FAR1: variants seen among roughly 807,000 people sequenced by gnomAD.
FAR1 encodes the protein fatty acyl-CoA reductase 1.
Under a neutral mutation model 61.1 loss-of-function variants are expected in FAR1, and 22 were observed. That is an observed-to-expected ratio of 0.36 (90% CI 0.26 to 0.51). FAR1 has a LOEUF of 0.51. Ranked by LOEUF, FAR1 falls within the 20% of genes least tolerant of loss-of-function variation. FAR1 has a pLI of 0.95. For synonymous variants in FAR1, 206 were observed against 209.7 expected (o/e 0.98, Z 0.15); for missense variants, 359 against 626.9 (o/e 0.57, Z 4.56).
chr11:13,714,470 G>C (rs1848533780), intron 8 of FAR1, 39 bp from the exon 9 acceptor site: 1 of 1,526,398 alleles, frequency 6.6e-7, no homozygotes, highest in Non-Finnish European at 8.8e-7. Context: ...TTCATTACAT[G>C]GTTATTATCA....
intron 1 of FAR1, among the ~76,000 whole-genome samples, chr11:13,670,478 G>T (rs373427451): frequency 6.6e-6 from 1 of 152,182 alleles, no homozygotes; most frequent in East Asian, 1.9e-4. Flanking sequence ...TTTTAGTAGA[G>T]GCGGGGTTTC....
intron 8 of FAR1, 37 bp from the exon 9 acceptor site, chr11:13,714,467 CATGGT>C (rs778889258): frequency 1.3e-6 from 2 of 1,508,894 alleles, no homozygotes; most frequent in Non-Finnish European, 1.8e-6. Flanking sequence ...AACTTCATTA[CATGGT>C]TATTATCAAA....
At chr11:13,694,997 G>T (rs757025174) in intron 2 of FAR1, 43 bp downstream of exon 2, 1 of 1,503,872 alleles carries the variant, frequency 6.6e-7, no homozygotes. Flanking sequence ...AAAAAAGCGT[G>T]TGCTTGTGTA....
At chr11:13,685,536 T>C (rs2134173336) in intron 1 of FAR1, 2 of 217,578 alleles carry the variant, frequency 9.2e-6, no homozygotes, top group Non-Finnish European at 2.0e-5. Context: ...GTGTTTCCTT[T>C]TGGAGTTGTA....
chr11:13,675,053 CT>C (rs10649288), intron 1 of FAR1, among the ~76,000 whole-genome samples: 31 of 144,136 alleles, frequency 2.2e-4, no homozygotes, highest in Admixed American at 6.2e-4. Flanking sequence ...AATCCCTAGA[CT>C]TTTTTTTTTT....
chr11:13,683,015 A>C (rs949101115), intron 1 of FAR1, among the ~76,000 whole-genome samples: 1 of 152,180 alleles, frequency 6.6e-6, no homozygotes, highest in Non-Finnish European at 1.5e-5. Context: ...GTAACTTTCT[A>C]TCTGCTGCTT....
At chr11:13,711,190 C>T (rs923824211) in intron 5 of FAR1, 8 of 311,974 alleles carry the variant, frequency 2.6e-5, no homozygotes, top group African/African-American at 1.6e-4. Flanking sequence ...AGGTAGACCC[C>T]TTCCTCTGTA....
intron 11 of FAR1, among the ~76,000 whole-genome samples, 198 bp from the exon 12 acceptor site, chr11:13,728,414 C>A (rs1437203562): frequency 6.6e-6 from 1 of 151,714 alleles, no homozygotes; most frequent in Admixed American, 6.6e-5. Context: ...AATGAATGAA[C>A]CTTTTTAGAT....
At chr11:13,691,077 C>T (rs1848244538) in intron 1 of FAR1, among the ~76,000 whole-genome samples, 1 of 152,180 alleles carries the variant, frequency 6.6e-6, no homozygotes, top group Non-Finnish European at 1.5e-5. Context: ...ATTTATTTCT[C>T]ACCATTCTGG....
At chr11:13,691,622 T>C (rs751190024) in intron 1 of FAR1, among the ~76,000 whole-genome samples, 1 of 152,248 alleles carries the variant, frequency 6.6e-6, no homozygotes, top group Non-Finnish European at 1.5e-5. Context: ...AGGAATCATA[T>C]AGTATGTGAC....
chr11:13,671,302 G>T (rs973288105), intron 1 of FAR1, among the ~76,000 whole-genome samples: 1 of 152,190 alleles, frequency 6.6e-6, no homozygotes, highest in African/African-American at 2.4e-5. Context: ...AGCAACTGTG[G>T]ACAAGAGTGA....
At chr11:13,675,476 A>C (rs577691308) in intron 1 of FAR1, among the ~76,000 whole-genome samples, 8 of 152,212 alleles carry the variant, frequency 5.3e-5, no homozygotes, top group Non-Finnish European at 2.9e-5. Context: ...GTATCTCTCT[A>C]TCTTTATCTT....
intron 9 of FAR1, chr11:13,715,907 C>A (rs1399651142): frequency 6.6e-6 from 1 of 152,110 alleles, no homozygotes; most frequent in East Asian, 1.9e-4. Flanking sequence ...AGGTAACTGC[C>A]AGTTACAGTG....
intron 10 of FAR1, 53 bp from the exon 11 acceptor site, chr11:13,727,503 G>A (rs561999901): frequency 6.6e-7 from 1 of 1,525,942 alleles, no homozygotes; most frequent in Admixed American, 2.0e-5. Flanking sequence ...TTTCTGACTG[G>A]TTGTGAGAAA....
rs1435823539 is a variant in FAR1 at position 13,730,746 on chromosome 11, T to C, written c.*1972T>C. On this transcript the variant is annotated 3_prime_UTR_variant, in exon 12 of 12. Transcript: ENST00000354817. ...GGAGTGTATGTCTTCTGAATGGTTTTATTGTTCTTGTAATCTAGCTTAAAG... is the reference window on the plus strand; with the variant it reads ...GGAGTGTATGTCTTCTGAATGGTTTCATTGTTCTTGTAATCTAGCTTAAAG... 1.3e-5 allele frequency: 2 copies of C among 152,130 alleles called. No individual in the cohort carries two copies. The highest frequency in any genetic ancestry group is 4.8e-5 in the African/African-American group (2 of 41,454). 9.4% of individuals were successfully genotyped at this position (152,130 alleles called of 1,614,324 possible).
At position 13,732,300 on chromosome 11, in the gene FAR1, T is replaced by C. The variant is rs1384959011; in HGVS notation, c.*3526T>C. The C allele has an allele frequency of 1.3e-5, 2 of 152,178 alleles. No homozygotes were observed. The highest frequency in any genetic ancestry group is 2.9e-5 in the Non-Finnish European group (2 of 68,016). 9.4% of individuals were successfully genotyped at this position (152,178 alleles called of 1,614,324 possible). A position where few individuals can be genotyped will look rare whatever the true frequency, so the allele number is the denominator to read the frequency against. On this transcript the variant is annotated 3_prime_UTR_variant, in exon 12 of 12. Transcript: ENST00000354817. ...TCAGTTAAGTATAGTTGCGCAAAAA[T>C]TGTTAAATCCTTTGTCTTTATTAAA... is the stretch of plus-strand genomic sequence containing the variant.
chr11:13,708,474 C>CACACACACAT (rs1565348215), intron 4 of FAR1, among the ~76,000 whole-genome samples: 1 of 126,906 alleles, frequency 7.9e-6, no homozygotes, highest in African/African-American at 2.8e-5. Context: ...CACACACACA[C>CACACACACAT]ACATACATTT....
At chr11:13,677,840 A>G (rs952935698) in intron 1 of FAR1, among the ~76,000 whole-genome samples, 4 of 152,254 alleles carry the variant, frequency 2.6e-5, no homozygotes, top group Non-Finnish European at 5.9e-5. Flanking sequence ...AATCACAAAA[A>G]ATATGCTTGT....
At chr11:13,702,619 T>TC (rs934055401) in intron 3 of FAR1, among the ~76,000 whole-genome samples, 1 of 152,190 alleles carries the variant, frequency 6.6e-6, no homozygotes, top group Non-Finnish European at 1.5e-5. Flanking sequence ...GTCGATTTTT[T>TC]CCCCCATAGT....
Sources: gnomAD v4.1 joint callset for allele counts (sites outside exome capture counted in the v4.1 genomes callset) on GRCh38, gnomAD v4.1.1 for gene constraint, MANE v1.5 for transcripts, NCBI Gene and HGNC (gene_info 2026-07-23, HGNC 2026-07-21) for gene names.